CPS1: variants seen among roughly 807,000 people sequenced by gnomAD.
CPS1 encodes carbamoyl-phosphate synthase [ammonia], mitochondrial.
In CPS1, 109 loss-of-function variants were observed where a neutral mutation model predicts 174.6. That is an observed-to-expected ratio of 0.62 (90% confidence interval 0.53 to 0.73). The LOEUF (loss-of-function observed/expected upper bound fraction) is 0.73, where lower values mean the gene tolerates loss of function less well. CPS1 is among the 30% of genes least tolerant of loss of function. The probability of loss-of-function intolerance (pLI) is 0.00; values close to 1 mark genes in which losing one functional copy is unlikely to be tolerated. For synonymous variants in CPS1, 637 were observed against 632.0 expected, an observed-to-expected ratio of 1.01 and a Z score of -0.12; for missense variants, 1,689 against 1,821.9, an observed-to-expected ratio of 0.93 and a Z score of 1.33.
chr2:210,565,906 G>A (rs1697286054), intron 1 of CPS1, among the ~76,000 whole-genome samples: 1 of 152,148 alleles, frequency 6.6e-6, no homozygotes, highest in Non-Finnish European at 1.5e-5. Flanking sequence ...GATGTTTGGG[G>A]AGCATGCTCT....
intron 1 of CPS1, among the ~76,000 whole-genome samples, chr2:210,512,515 T>A (rs1474739827): frequency 6.6e-6 from 1 of 151,796 alleles, no homozygotes; most frequent in Non-Finnish European, 1.5e-5. Context: ...TACATCCACA[T>A]TGCAGCAAAG....
At chr2:210,505,560 T>G (rs966655785) in intron 1 of CPS1, among the ~76,000 whole-genome samples, 18 of 147,546 alleles carry the variant, frequency 1.2e-4, no homozygotes, top group African/African-American at 4.5e-4. Flanking sequence ...GTGGGTGCAG[T>G]GCACTGAGCA....
Position 210,662,992 on chromosome 2 carries a change from A to AT in CPS1, c.3928-125dup, listed in dbSNP as rs3214427. On this transcript the variant is annotated intron_variant, in intron 32 of 37. Coordinates refer to ENST00000233072, the MANE Select transcript of CPS1 (RefSeq NM_001875.5). Reference sequence around the variant, plus strand: ...CAAGTCGGATGCTTGGACCCAAGAGATTTTTTACATGTCTACTGTAGCCTA... The same window carrying AT: ...CAAGTCGGATGCTTGGACCCAAGAGATTTTTTTACATGTCTACTGTAGCCTA... 107,902 of 882,980 alleles carry AT rather than the reference A, an allele frequency of 0.12. 7,555 individuals are homozygous for AT. Among genetic ancestry groups the AT allele is most frequent in the African/African-American group, 0.22 (13,022 of 58,790 alleles). 54.7% of individuals were successfully genotyped at this position (882,980 alleles called of 1,614,324 possible). A position where few individuals can be genotyped will look rare whatever the true frequency, so the allele number is the denominator to read the frequency against.
chr2:210,638,750 C>T (rs1279067367), intron 22 of CPS1, among the ~76,000 whole-genome samples: 1 of 152,184 alleles, frequency 6.6e-6, no homozygotes, highest in African/African-American at 2.4e-5. Context: ...CCACAGGCCA[C>T]TTAAATCCTG....
intron 21 of CPS1, among the ~76,000 whole-genome samples, chr2:210,637,361 A>T (rs982375615): frequency 1.3e-5 from 2 of 152,180 alleles, no homozygotes; most frequent in Admixed American, 6.5e-5. Context: ...AAACTGAAAA[A>T]GGGCTCCTGG....
At position 210,602,182 on chromosome 2, in the gene CPS1, G is replaced by A; in HGVS notation, c.1708-20G>A. On this transcript the variant is annotated intron_variant, in intron 15 of 37. Transcript: ENST00000233072. ...GTGTGCTCAGCTTTTAAAATGTTGA[G>A]TCCTTGTTCTTGTTGACAGATTGAG... 2 of 1,611,742 alleles carry A rather than the reference G, an allele frequency of 1.2e-6. No homozygotes were observed. The highest frequency in any genetic ancestry group is 1.7e-6 in the Non-Finnish European group (2 of 1,178,794).
chr2:210,485,829 T>A (rs1694700991), intron 1 of CPS1, among the ~76,000 whole-genome samples: 1 of 152,052 alleles, frequency 6.6e-6, no homozygotes, highest in Non-Finnish European at 1.5e-5. Flanking sequence ...AAATGTACTT[T>A]AAGAAACTAA....
intron 8 of CPS1, 105 bp downstream of exon 8, chr2:210,590,339 A>G (rs907363822): frequency 2.2e-5 from 33 of 1,533,346 alleles, no homozygotes; most frequent in African/African-American, 4.1e-5. Flanking sequence ...GCATTTTTCA[A>G]TGCTGGTATT....
chr2:210,555,890 T>TA (rs981921498), upstream of CPS1, among the ~76,000 whole-genome samples: 2 of 151,986 alleles, frequency 1.3e-5, no homozygotes, highest in African/African-American at 2.4e-5. Flanking sequence ...TTTTAATAAC[T>TA]AAAAAAACTT....
In CPS1 at chr2:210,654,064, C is replaced by A. The variant is rs756337473; in HGVS notation, c.3520C>A (p.Arg1174=). 4.3e-6 allele frequency: 7 copies of A among 1,613,960 alleles called. No homozygotes were observed. The Admixed American group carries it at 1.2e-4, about 27-fold the overall frequency. ...VVLTKFVEGA[R]EVEMDAVGKD... ...GCTGACAAAATTTGTTGAAGGGGCCCGAGAAGTAGAAATGGACGCTGTTGG... is the reference window on the plus strand; with the variant it reads ...GCTGACAAAATTTGTTGAAGGGGCCAGAGAAGTAGAAATGGACGCTGTTGG... The change falls in exon 29 of 38, where the codon CGA becomes AGA. Residue 1174 remains arginine (R), a synonymous_variant. Transcript: ENST00000233072.
intron 25 of CPS1, 61 bp from the exon 26 acceptor site, chr2:210,647,802 C>T (rs1168789984): frequency 5.3e-6 from 8 of 1,517,432 alleles, no homozygotes; most frequent in Non-Finnish European, 7.3e-6. Flanking sequence ...ACAATATTAG[C>T]ATAGTTGTCC....
chr2:210,657,027 A>G (rs577146456), intron 30 of CPS1, among the ~76,000 whole-genome samples: 3 of 152,226 alleles, frequency 2.0e-5, no homozygotes, highest in South Asian at 4.2e-4. Context: ...CAGTTAGAGA[A>G]CTGCTACTCC....
intron 34 of CPS1, 61 bp from the exon 35 acceptor site, chr2:210,674,841 A>G (rs1574677237): frequency 1.6e-6 from 2 of 1,245,460 alleles, no homozygotes; most frequent in East Asian, 2.3e-5. Flanking sequence ...AGGAAATACC[A>G]TATTGCATAA....
chr2:210,520,968 A>T (rs1482025259), intron 1 of CPS1, among the ~76,000 whole-genome samples: 2 of 152,012 alleles, frequency 1.3e-5, no homozygotes, highest in Non-Finnish European at 1.5e-5. Flanking sequence ...GAAAAAGGGG[A>T]TCCAATAGTG....
At chr2:210,616,831 A>T (rs1248574829) in intron 21 of CPS1, among the ~76,000 whole-genome samples, 1 of 151,914 alleles carries the variant, frequency 6.6e-6, no homozygotes, top group African/African-American at 2.4e-5. Context: ...ACATTGATGA[A>T]CGTGTATTAT....
chr2:210,536,320 CTT>C (rs1440042501), intron 1 of CPS1, among the ~76,000 whole-genome samples: 7 of 125,152 alleles, frequency 5.6e-5, no homozygotes, highest in Non-Finnish European at 5.0e-5. Context: ...TGTTTAGGTA[CTT>C]TTTTTTTTTT....
At chr2:210,596,377 C>A (rs1698482246) in intron 13 of CPS1, among the ~76,000 whole-genome samples, 1 of 151,812 alleles carries the variant, frequency 6.6e-6, no homozygotes, top group South Asian at 2.1e-4. Flanking sequence ...TCACCAGAGA[C>A]CAGGCTAGTA....
chr2:210,497,060 G>T (rs1695008511), intron 1 of CPS1, among the ~76,000 whole-genome samples: 1 of 152,042 alleles, frequency 6.6e-6, no homozygotes, highest in African/African-American at 2.4e-5. Context: ...AATAAGCTCA[G>T]CAAACTTTGT....
chr2:210,642,002 G>A (rs950130398), intron 24 of CPS1, among the ~76,000 whole-genome samples: 3 of 152,138 alleles, frequency 2.0e-5, no homozygotes, highest in African/African-American at 7.2e-5. Flanking sequence ...AATCAATCAG[G>A]ATATGTCAGA....
Sources: gnomAD v4.1 joint callset for allele counts (sites outside exome capture counted in the v4.1 genomes callset) on GRCh38, gnomAD v4.1.1 for gene constraint, MANE v1.5 for transcripts, NCBI Gene and HGNC (gene_info 2026-07-23, HGNC 2026-07-21) for gene names.